STON1: variants seen among roughly 807,000 people sequenced by gnomAD.
STON1 encodes the protein stonin 1.
In STON1, 79 loss-of-function variants were observed where a neutral mutation model predicts 60.9. The observed-to-expected ratio is 1.30, with a 90% CI of 1.08 to 1.56. The LOEUF is 1.56. STON1 is among the 40% of genes most tolerant of loss of function. The probability of loss-of-function intolerance (pLI) is 0.00; values close to 1 mark genes in which losing one functional copy is unlikely to be tolerated. For synonymous variants in STON1, 363 were observed against 306.9 expected (o/e 1.18, Z -1.91); for missense variants, 1,166 against 858.9 (o/e 1.36, Z -4.47).
At chr2:48,571,414 C>G (rs892429277) in intron 1 of STON1, among the ~76,000 whole-genome samples, 12 of 152,284 alleles carry the variant, frequency 7.9e-5, no homozygotes, top group African/African-American at 2.9e-4. Flanking sequence ...GTGGTCTGCT[C>G]TGGATTGTCA....
intron 2 of STON1, among the ~76,000 whole-genome samples, 175 bp downstream of exon 2, chr2:48,582,738 C>T (rs950897618): frequency 6.6e-6 from 1 of 152,148 alleles, no homozygotes; most frequent in Non-Finnish European, 1.5e-5. Context: ...TCCTTTTGCA[C>T]CTATTTCTAC....
At chr2:48,540,480 A>G (rs922287956) in intron 1 of STON1, among the ~76,000 whole-genome samples, 1 of 152,314 alleles carries the variant, frequency 6.6e-6, no homozygotes, top group East Asian at 1.9e-4. Context: ...GACCGGGTTG[A>G]TGGAGCTTCT....
chr2:48,566,720 T>G (rs1672960076), intron 1 of STON1, among the ~76,000 whole-genome samples: 1 of 152,236 alleles, frequency 6.6e-6, no homozygotes, highest in Non-Finnish European at 1.5e-5. Context: ...GTTAGGCTCC[T>G]ACTCTCCCAC....
At chr2:48,532,275 G>A (rs186578060) in intron 1 of STON1, among the ~76,000 whole-genome samples, 96 of 151,816 alleles carry the variant, frequency 6.3e-4, no homozygotes, top group Non-Finnish European at 4.4e-5. Context: ...TTTGAACCTG[G>A]GAGGCGGAGG....
chr2:48,571,825 T>C (rs965297875), intron 1 of STON1, among the ~76,000 whole-genome samples: 1 of 152,142 alleles, frequency 6.6e-6, no homozygotes, highest in African/African-American at 2.4e-5. Flanking sequence ...TGAAGTCATA[T>C]AGAAGGATCA....
At chr2:48,564,558 C>CTTCTTCTTCT (rs1672827979) in intron 1 of STON1, among the ~76,000 whole-genome samples, 1 of 52,304 alleles carries the variant, frequency 1.9e-5, no homozygotes, top group Non-Finnish European at 4.0e-5. Flanking sequence ...TCTTCTTCTT[C>CTTCTTCTTCT]TTCTTCTTCT....
At chr2:48,542,721 A>G (rs1671703201) in intron 1 of STON1, among the ~76,000 whole-genome samples, 1 of 152,104 alleles carries the variant, frequency 6.6e-6, no homozygotes, top group Non-Finnish European at 1.5e-5. Flanking sequence ...CCTGGCCAAC[A>G]TGGCAAAACC....
At chr2:48,557,714 C>A (rs1415058418) in intron 1 of STON1, among the ~76,000 whole-genome samples, 1 of 68,996 alleles carries the variant, frequency 1.4e-5, no homozygotes, top group African/African-American at 5.0e-5. Flanking sequence ...TGGCGGATCA[C>A]TCGCGGTTAG....
chr2:48,555,367 A>G (rs1324072430), intron 1 of STON1, among the ~76,000 whole-genome samples: 14 of 32,642 alleles, frequency 4.3e-4, no homozygotes, highest in East Asian at 1.1e-3. Context: ...GGCCGGGCAG[A>G]GGGGCTCCTC....
chr2:48,543,133 C>A lies in STON1; in HGVS notation c.-48+12917C>A, dbSNP rs143599674. On this transcript the variant is annotated intron_variant, in intron 1 of 3. Transcript: ENST00000404752. The stretch of plus-strand genomic sequence containing the variant: ...GGGATTACAGGCACCTGCTACCATG[C>A]CCAGCTAATTTTTGTATTTCTAGTA... 3.2e-3 allele frequency among the ~76,000 whole-genome samples: 488 copies of A among 151,994 alleles called. 4 individuals are homozygous for A. The highest frequency in any genetic ancestry group is 0.011 in the African/African-American group (456 of 41,436).
At chr2:48,573,182 C>T (rs1015636294) in intron 1 of STON1, among the ~76,000 whole-genome samples, 1 of 152,170 alleles carries the variant, frequency 6.6e-6, no homozygotes, top group African/African-American at 2.4e-5. Context: ...GCAGGGTTTG[C>T]ATTTTTACAT....
intron 2 of STON1, among the ~76,000 whole-genome samples, chr2:48,590,984 TGAA>T (rs1674482525): frequency 6.6e-6 from 1 of 152,098 alleles, no homozygotes; most frequent in African/African-American, 2.4e-5. Context: ...TAATTTGGGC[TGAA>T]GTTTATTTTT....
intron 1 of STON1, among the ~76,000 whole-genome samples, chr2:48,544,749 G>T (rs539888335): frequency 1.3e-5 from 2 of 152,128 alleles, no homozygotes; most frequent in African/African-American, 4.8e-5. Flanking sequence ...GTTTCACCGT[G>T]CTGGCCAGGC....
intron 1 of STON1, among the ~76,000 whole-genome samples, chr2:48,548,096 C>T (rs1671935383): frequency 6.6e-6 from 1 of 152,212 alleles, no homozygotes; most frequent in African/African-American, 2.4e-5. Flanking sequence ...TTGAATGTCC[C>T]CCTTAAAGTG....
chr2:48,587,629 C>T (rs905357578), intron 2 of STON1, among the ~76,000 whole-genome samples: 2 of 152,182 alleles, frequency 1.3e-5, no homozygotes, highest in African/African-American at 4.8e-5. Context: ...TCACCAAGAA[C>T]AATGACAAGA....
At position 48,595,330 on chromosome 2, in the gene STON1, C is replaced by A; in HGVS notation, c.*28C>A. The A allele has an allele frequency of 6.3e-7, 1 of 1,584,768 alleles. No individual in the cohort carries two copies. Among genetic ancestry groups the A allele is most frequent in the Non-Finnish European group, 8.7e-7 (1 of 1,154,264 alleles). On this transcript the variant is annotated 3_prime_UTR_variant, in exon 4 of 4. Transcript: ENST00000404752. ...GTAGCAAGAGTTTATGATGACAGCCCACTTGTCAAATATGTAATTCACCGA... is the reference window on the plus strand; with the variant it reads ...GTAGCAAGAGTTTATGATGACAGCCAACTTGTCAAATATGTAATTCACCGA...
chr2:48,564,483 CTTCTTCTTCTTCTTCTTCTTCTTCTT>C (rs1672791971), intron 1 of STON1, among the ~76,000 whole-genome samples: 1 of 26,406 alleles, frequency 3.8e-5, no homozygotes, highest in Non-Finnish European at 7.9e-5. Flanking sequence ...CTTCTTCTTT[CTTCTTCTTCTTCTTCTTCTTCTTCTT>C]CTTCTTCTTC....
In STON1 at chr2:48,591,836, G is replaced by C. The variant is rs1326815200; in HGVS notation, c.2114G>C (p.Arg705Pro). ...DVQPQKHVQQ[R>P]ACYNIQVEIE... ...CAGCCACAGAAACATGTTCAGCAGC[G>C]AGCTTGCTACAACATCCAGGTACAT... is the stretch of plus-strand genomic sequence containing the variant. Residue 705 changes from arginine (R) to proline (P), a missense_variant, in exon 3 of 4, where the codon CGA becomes CCA. Transcript: ENST00000404752. 4 of 1,613,956 alleles carry C rather than the reference G, an allele frequency of 2.5e-6. No homozygotes were observed. The highest frequency in any genetic ancestry group is 3.4e-6 in the Non-Finnish European group (4 of 1,180,016).
intron 1 of STON1, chr2:48,530,713 C>G (rs1313557996): frequency 6.6e-6 from 1 of 152,544 alleles, no homozygotes; most frequent in East Asian, 1.9e-4. Flanking sequence ...GGTACCTCAG[C>G]TCGGACCTTA....
Sources: allele counts gnomAD v4.1 joint callset (sites outside exome capture counted in the v4.1 genomes callset), GRCh38; gene constraint gnomAD v4.1.1; transcripts MANE v1.5; gene names NCBI Gene and HGNC (gene_info 2026-07-23, HGNC 2026-07-21).